Variants in MALRD1 observed in about 807,000 individuals in gnomAD.
MALRD1 encodes the protein MAM and LDL receptor class A domain containing 1.
In MALRD1, 247 loss-of-function variants were observed where a neutral mutation model predicts 242.1. That is an observed-to-expected ratio of 1.02 (90% CI 0.92 to 1.13). The LOEUF (loss-of-function observed/expected upper bound fraction) is 1.13. Among genes scored for constraint, MALRD1 ranks in the 50% most tolerant of loss-of-function variants. The probability of loss-of-function intolerance (pLI) is 0.00; values close to 1 mark genes in which losing one functional copy is unlikely to be tolerated. For synonymous variants in MALRD1, 995 were observed against 866.6 expected (o/e 1.15, Z -2.60); for missense variants, 2,989 against 2,533.1 (o/e 1.18, Z -3.86).
chr10:19,151,145 C>A (rs1400056196), intron 11 of MALRD1, among the ~76,000 whole-genome samples: 2 of 151,990 alleles, frequency 1.3e-5, no homozygotes, highest in Non-Finnish European at 2.9e-5. Flanking sequence ...ACAATGATTT[C>A]TCATATGTAA....
At chr10:19,270,359 C>CAT (rs1266369239) in intron 19 of MALRD1, among the ~76,000 whole-genome samples, 12 of 151,322 alleles carry the variant, frequency 7.9e-5, no homozygotes, top group Non-Finnish European at 1.6e-4. Context: ...CACACACACA[C>CAT]ACACACACAC....
chr10:19,157,029 T>C (rs531499354), intron 12 of MALRD1, among the ~76,000 whole-genome samples: 1 of 152,324 alleles, frequency 6.6e-6, no homozygotes, highest in South Asian at 2.1e-4. Context: ...CACTGCAGAC[T>C]GCCAGAAGAG....
At position 19,097,230 on chromosome 10, in the gene MALRD1, T is replaced by C. The variant is rs573130414; in HGVS notation, c.598-6749T>C. ...GAGTTAAATAACCTACTAAATCCCA[T>C]ACCAGCTTAGACTCTAGGGTAGTTT... is the stretch of plus-strand genomic sequence containing the variant. On this transcript the variant is annotated intron_variant, in intron 4 of 39. Coordinates refer to ENST00000454679, the MANE Select transcript of MALRD1 (RefSeq NM_001142308.3). Among the ~76,000 whole-genome samples the C allele has an allele frequency of 3.9e-5, 6 of 152,206 alleles. No homozygotes were observed. The South Asian group carries it at 1.0e-3, about 26-fold the overall frequency.
At chr10:19,589,690 G>T (rs1837659081) in intron 33 of MALRD1, among the ~76,000 whole-genome samples, 1 of 152,096 alleles carries the variant, frequency 6.6e-6, no homozygotes, top group Non-Finnish European at 1.5e-5. Flanking sequence ...TTAATCAACA[G>T]TTTTTTGGAA....
At position 19,283,110 on chromosome 10, in the gene MALRD1, G is replaced by A. The variant is rs1204798606; in HGVS notation, c.3348G>A (p.Arg1116=). The change falls in exon 21 of 40, where the codon AGG becomes AGA. Residue 1116 remains arginine (R), a synonymous_variant. Transcript: ENST00000454679. ...VHLLQDSNTF[R]WGLGNGISIH... is the part of the protein sequence containing the mutation. ...TGCTTCAAGATTCAAACACATTCAG[G>A]TGGGGGCTTGGGAACGGGATCAGCA... is the stretch of plus-strand genomic sequence containing the variant. 6.5e-7 allele frequency: 1 copy of A among 1,549,654 alleles called. No individual in the cohort carries two copies. The highest frequency in any genetic ancestry group is 8.7e-7 in the Non-Finnish European group (1 of 1,146,400).
intron 39 of MALRD1, among the ~76,000 whole-genome samples, chr10:19,731,244 G>A (rs1170497197): frequency 2.0e-5 from 3 of 152,300 alleles, no homozygotes; most frequent in East Asian, 1.9e-4. Flanking sequence ...AAAAACAAAT[G>A]AGAATGTATT....
At chr10:19,129,153 G>T (rs779470805) in intron 8 of MALRD1, among the ~76,000 whole-genome samples, 1 of 151,906 alleles carries the variant, frequency 6.6e-6, no homozygotes, top group Non-Finnish European at 1.5e-5. Flanking sequence ...GATTCCACAG[G>T]TTGAGGTCTC....
intron 31 of MALRD1, among the ~76,000 whole-genome samples, chr10:19,508,466 G>C (rs1833243955): frequency 6.6e-6 from 1 of 152,162 alleles, no homozygotes; most frequent in Non-Finnish European, 1.5e-5. Context: ...CAGGTAGATT[G>C]GAATACCAAA....
chr10:19,705,996 A>G (rs1833848215), intron 38 of MALRD1, among the ~76,000 whole-genome samples: 1 of 152,078 alleles, frequency 6.6e-6, no homozygotes, highest in Non-Finnish European at 1.5e-5. Context: ...GTCATACTGG[A>G]TACTGAAGAG....
At position 19,283,002 on chromosome 10, in the gene MALRD1, G is replaced by A. The variant is rs1564527400; in HGVS notation, c.3257-17G>A. On this transcript the variant is annotated splice_polypyrimidine_tract_variant and intron_variant, in intron 20 of 39. Coordinates refer to ENST00000454679, the MANE Select transcript of MALRD1 (RefSeq NM_001142308.3). The stretch of plus-strand genomic sequence containing the variant: ...CCACTTACTAGCTCACCTTTTCTTT[G>A]TTCTACCCCATCCAAGTTATGGAAG... 3 of 1,528,790 alleles carry A rather than the reference G, an allele frequency of 2.0e-6. No individual in the cohort carries two copies. Among genetic ancestry groups the A allele is most frequent in the East Asian group, 2.5e-5 (1 of 40,020 alleles). The allele number at this position is 1,528,790 out of a possible 1,614,324, so 94.7% of individuals were successfully genotyped here. A position where few individuals can be genotyped will look rare whatever the true frequency, so the allele number is the denominator to read the frequency against.
intron 23 of MALRD1, among the ~76,000 whole-genome samples, chr10:19,330,908 AT>A (rs2130919777): frequency 6.6e-6 from 1 of 152,278 alleles, no homozygotes; most frequent in South Asian, 2.1e-4. Context: ...TAGCTTTCAA[AT>A]AGTAGGAATG....
chr10:19,075,713 A>G (rs1358122508), intron 2 of MALRD1, among the ~76,000 whole-genome samples: 1 of 151,964 alleles, frequency 6.6e-6, no homozygotes, highest in Non-Finnish European at 1.5e-5. Context: ...CCTCACTTCC[A>G]TTTCAGCCTT....
In MALRD1 at chr10:19,261,997, T is replaced by G. The variant is rs542374061; in HGVS notation, c.3079+4226T>G. On this transcript the variant is annotated intron_variant, in intron 19 of 39. Transcript: ENST00000454679. ...AAAAACAAATATTAGACCAAAAATG[T>G]TATTAATATTCCCCAATAGTTTTTA... Among the ~76,000 whole-genome samples, 5 of 152,246 alleles carry G rather than the reference T, an allele frequency of 3.3e-5. No individual in the cohort carries two copies. The South Asian group carries it at 1.0e-3, about 32-fold the overall frequency.
intron 36 of MALRD1, among the ~76,000 whole-genome samples, chr10:19,655,256 T>C (rs1037794124): frequency 2.0e-5 from 3 of 152,020 alleles, no homozygotes; most frequent in Non-Finnish European, 4.4e-5. Flanking sequence ...TTGGAGACTT[T>C]TTAAATTTCT....
chr10:19,123,683 T>C, intron 6 of MALRD1, 90 bp downstream of exon 6: 1 of 651,708 alleles, frequency 1.5e-6, no homozygotes, highest in Non-Finnish European at 2.2e-6. Context: ...GCGCCAACCT[T>C]TGTTGACATT....
chr10:19,307,807 T>G (rs1420162239), intron 21 of MALRD1, among the ~76,000 whole-genome samples: 1 of 151,612 alleles, frequency 6.6e-6, no homozygotes, highest in Non-Finnish European at 1.5e-5. Flanking sequence ...GTTTCTTTCT[T>G]GAATATTTAA....
chr10:19,585,540 G>A (rs980693326), intron 33 of MALRD1, among the ~76,000 whole-genome samples: 5 of 152,050 alleles, frequency 3.3e-5, no homozygotes, highest in African/African-American at 7.2e-5. Context: ...CTTTAAGAAT[G>A]TTGAATATTG....
intron 33 of MALRD1, among the ~76,000 whole-genome samples, chr10:19,586,878 A>G (rs902945651): frequency 6.6e-6 from 1 of 152,026 alleles, no homozygotes; most frequent in African/African-American, 2.4e-5. Flanking sequence ...AATCAGCGAG[A>G]CTCCGTGGGC....
intron 28 of MALRD1, among the ~76,000 whole-genome samples, chr10:19,416,539 A>G (rs550046078): frequency 1.4e-5 from 2 of 147,192 alleles, no homozygotes; most frequent in South Asian, 2.2e-4. Flanking sequence ...TGCCAGGTGG[A>G]AAAAAAAAAA....
Sources: gnomAD v4.1 joint callset for allele counts (sites outside exome capture counted in the v4.1 genomes callset) on GRCh38, gnomAD v4.1.1 for gene constraint, MANE v1.5 for transcripts, NCBI Gene and HGNC (gene_info 2026-07-23, HGNC 2026-07-21) for gene names.